Variants in CFAP61 observed in about 807,000 individuals in gnomAD.
The protein encoded by CFAP61 is cilia- and flagella-associated protein 61.
Under a neutral mutation model 135.6 loss-of-function variants are expected in CFAP61, and 107 were observed. That is an observed-to-expected ratio of 0.79 (90% CI 0.67 to 0.93). The LOEUF (loss-of-function observed/expected upper bound fraction) is 0.93, where lower values mean the gene tolerates loss of function less well. Among genes scored for constraint, CFAP61 ranks in the 40% least tolerant of loss-of-function variants. The pLI is 0.00. For missense variants in CFAP61, 1,507 were observed against 1,556.2 expected, an observed-to-expected ratio of 0.97 and a Z score of 0.53; for synonymous variants, 575 against 578.5, an observed-to-expected ratio of 0.99 and a Z score of 0.09.
At chr20:20,155,091 A>G (rs1028152001) in intron 9 of CFAP61, among the ~76,000 whole-genome samples, 4 of 152,332 alleles carry the variant, frequency 2.6e-5, no homozygotes, top group African/African-American at 9.6e-5. Flanking sequence ...GACCAACAGA[A>G]CAGAATAGAG....
rs760395577 is a variant in CFAP61 at position 20,288,799 on chromosome 20, A to AC, written c.2988dup (p.Phe997LeufsTer19). 2.5e-6 allele frequency: 4 copies of AC among 1,614,092 alleles called. No individual in the cohort carries two copies. The African/African-American group carries it at 5.3e-5, about 22-fold the overall frequency. On this transcript the variant is annotated frameshift_variant, in exon 23 of 27. Coordinates refer to ENST00000245957, the MANE Select transcript of CFAP61 (RefSeq NM_015585.4). LOFTEE classifies it high-confidence loss of function. ...TACTCAAATGAGTGGACTCACAGCA[A>AC]CTTCAGTTCCAAAGAAATTGGCTTT...
intron 18 of CFAP61, among the ~76,000 whole-genome samples, chr20:20,233,302 C>A (rs2049302047): frequency 2.0e-5 from 3 of 152,238 alleles, no homozygotes. Flanking sequence ...CCTTGCTGAT[C>A]TCAGAGCTCA....
intron 9 of CFAP61, among the ~76,000 whole-genome samples, chr20:20,149,325 C>T (rs1474885742): frequency 2.0e-5 from 3 of 152,184 alleles, no homozygotes; most frequent in Non-Finnish European, 4.4e-5. Flanking sequence ...AAAAACTTAG[C>T]AAACTGGAAG....
intron 25 of CFAP61, chr20:20,323,251 C>A (rs76514322): frequency 4.1e-6 from 4 of 985,414 alleles, no homozygotes; most frequent in Non-Finnish European, 4.8e-6. Flanking sequence ...AGTTATTCAG[C>A]CTTCGTCTTC....
At chr20:20,343,582 C>T (rs1176775980) in intron 26 of CFAP61, among the ~76,000 whole-genome samples, 2 of 152,140 alleles carry the variant, frequency 1.3e-5, no homozygotes, top group Non-Finnish European at 1.5e-5. Context: ...TAACTGGAAA[C>T]CTGAACCCGA....
chr20:20,164,333 C>CA, intron 11 of CFAP61, 105 bp downstream of exon 11: 1 of 1,092,076 alleles, frequency 9.2e-7, no homozygotes, highest in South Asian at 1.6e-5. Context: ...ACCTGGCCCA[C>CA]ATCCTAATCT....
At chr20:20,153,637 A>G (rs796114159) in intron 9 of CFAP61, among the ~76,000 whole-genome samples, 13 of 152,252 alleles carry the variant, frequency 8.5e-5, no homozygotes, top group Admixed American at 2.6e-4. Flanking sequence ...TCCTGGAAAT[A>G]TACAACCCTC....
intron 18 of CFAP61, among the ~76,000 whole-genome samples, chr20:20,239,684 C>T (rs2049868522): frequency 6.6e-6 from 1 of 152,162 alleles, no homozygotes; most frequent in Admixed American, 6.5e-5. Context: ...GGGAGTGGCA[C>T]TGAGGCAGTC....
intron 9 of CFAP61, among the ~76,000 whole-genome samples, chr20:20,149,391 C>T (rs2052204362): frequency 6.6e-6 from 1 of 152,180 alleles, no homozygotes; most frequent in South Asian, 2.1e-4. Flanking sequence ...GACAAAACAG[C>T]ATGTGGAGAT....
At chr20:20,222,068 A>T (rs1239340361) in intron 17 of CFAP61, 1 of 152,126 alleles carries the variant, frequency 6.6e-6, no homozygotes, top group Non-Finnish European at 1.5e-5. Context: ...AATGCTGTTG[A>T]CTGTAAGGCT....
intron 18 of CFAP61, among the ~76,000 whole-genome samples, chr20:20,236,299 T>A (rs542825496): frequency 6.6e-6 from 1 of 152,278 alleles, no homozygotes; most frequent in Non-Finnish European, 1.5e-5. Flanking sequence ...ACAGTATTTT[T>A]AATAGAATCC....
intron 25 of CFAP61, among the ~76,000 whole-genome samples, chr20:20,340,516 A>G (rs1602096276): frequency 6.6e-6 from 1 of 151,956 alleles, no homozygotes; most frequent in South Asian, 2.1e-4. Context: ...ACTTCACAGA[A>G]CTCCCTCTCT....
At chr20:20,220,810 T>C (rs187244480) in intron 17 of CFAP61, among the ~76,000 whole-genome samples, 2 of 152,344 alleles carry the variant, frequency 1.3e-5, no homozygotes, top group East Asian at 3.9e-4. Flanking sequence ...TCCATCACTT[T>C]TGAATGTGTT....
At chr20:20,116,364 TC>T (rs2049139918) in intron 8 of CFAP61, among the ~76,000 whole-genome samples, 1 of 152,344 alleles carries the variant, frequency 6.6e-6, no homozygotes, top group African/African-American at 2.4e-5. Context: ...AAATAATTTC[TC>T]CCATCCTGTG....
At chr20:20,302,906 G>A (rs2056196517) in intron 25 of CFAP61, among the ~76,000 whole-genome samples, 1 of 152,152 alleles carries the variant, frequency 6.6e-6, no homozygotes, top group Non-Finnish European at 1.5e-5. Flanking sequence ...CCTTTTATGT[G>A]TAAGGATGTC....
At chr20:20,347,335 A>C (rs1246246487) in intron 26 of CFAP61, among the ~76,000 whole-genome samples, 1 of 152,202 alleles carries the variant, frequency 6.6e-6, no homozygotes, top group Non-Finnish European at 1.5e-5. Context: ...GAAAAAGAAA[A>C]CCAAAGTAAG....
At chr20:20,149,138 G>A (rs1414195157) in intron 9 of CFAP61, among the ~76,000 whole-genome samples, 1 of 152,142 alleles carries the variant, frequency 6.6e-6, no homozygotes, top group Non-Finnish European at 1.5e-5. Flanking sequence ...TTCTTTTCAA[G>A]TATACATAGA....
intron 8 of CFAP61, among the ~76,000 whole-genome samples, chr20:20,108,298 ATAATAC>A (rs2048552027): frequency 6.6e-6 from 1 of 152,212 alleles, no homozygotes; most frequent in Non-Finnish European, 1.5e-5. Flanking sequence ...ATTTGAGGAA[ATAATAC>A]TAATACTATA....
intron 11 of CFAP61, among the ~76,000 whole-genome samples, chr20:20,164,566 T>C (rs2053666739): frequency 6.6e-6 from 1 of 152,196 alleles, no homozygotes; most frequent in Non-Finnish European, 1.5e-5. Flanking sequence ...CTAGAGTCTT[T>C]GGTTGCAAGT....
Sources: allele counts gnomAD v4.1 joint callset (sites outside exome capture counted in the v4.1 genomes callset), GRCh38; gene constraint gnomAD v4.1.1; transcripts MANE v1.5; gene names NCBI Gene and HGNC (gene_info 2026-07-23, HGNC 2026-07-21).